The following VPS13B variants were observed in gnomAD, a reference collection of about 807,000 sequenced individuals.
VPS13B encodes intermembrane lipid transfer protein VPS13B.
Under a neutral mutation model 426.4 loss-of-function variants are expected in VPS13B, and 285 were observed. The observed-to-expected ratio is 0.67, with a 90% CI of 0.61 to 0.74. The LOEUF (loss-of-function observed/expected upper bound fraction) is 0.74. Ranked by LOEUF, VPS13B falls within the 30% of genes least tolerant of loss-of-function variation. The pLI is 0.00. For missense variants in VPS13B, 4,537 were observed against 4,782.6 expected (o/e 0.95, Z 1.51); for synonymous variants, 1,676 against 1,676.4 (o/e 1.00, Z 0.01).
chr8:99,636,482 A>G (rs1176197796), intron 33 of VPS13B, among the ~76,000 whole-genome samples: 1 of 151,984 alleles, frequency 6.6e-6, no homozygotes, highest in Non-Finnish European at 1.5e-5. Flanking sequence ...TTTTACCAAT[A>G]CAGTTCCATT....
At chr8:99,624,268 C>T (rs960364200) in intron 33 of VPS13B, among the ~76,000 whole-genome samples, 1 of 151,778 alleles carries the variant, frequency 6.6e-6, no homozygotes, top group South Asian at 2.1e-4. Flanking sequence ...ATAAAATAGT[C>T]CATTCCTTGG....
At chr8:99,064,464 C>T (rs1264260303) in intron 3 of VPS13B, among the ~76,000 whole-genome samples, 3 of 152,072 alleles carry the variant, frequency 2.0e-5, no homozygotes, top group Non-Finnish European at 4.4e-5. Flanking sequence ...GAAATATGCA[C>T]AAGCTTCAAT....
intron 16 of VPS13B, among the ~76,000 whole-genome samples, chr8:99,178,450 C>T (rs145925258): frequency 5.2e-4 from 79 of 152,116 alleles, no homozygotes; most frequent in African/African-American, 1.7e-3. Flanking sequence ...AACTAAGTTT[C>T]ACTGCATACA....
rs758694590 is a variant in VPS13B at position 99,766,953 on chromosome 8, T to A, written c.7230T>A (p.Asn2410Lys). The change falls in exon 40 of 62, where the codon AAT becomes AAA. Residue 2410 changes from asparagine (N) to lysine (K), a missense_variant. Around this residue, in one of 2 missense-constraint regions of VPS13B, gnomAD observed 4,311 missense variants for 4,474.3 expected, o/e 0.96. Coordinates refer to ENST00000357162, the MANE Select transcript of VPS13B (RefSeq NM_152564.5). The stretch of plus-strand genomic sequence containing the variant: ...GAATTGTCTTGAACAGCAGTCAAAA[T>A]GGAGCTGATGACCAAAGGTAATTCA... ...LWRIVLNSSQ[N>K]GADDQSSASE... The A allele has an allele frequency of 1.9e-6, 3 of 1,613,826 alleles. No homozygotes were observed. Among genetic ancestry groups the A allele is most frequent in the Non-Finnish European group, 1.7e-6 (2 of 1,179,940 alleles).
intron 17 of VPS13B, among the ~76,000 whole-genome samples, chr8:99,273,921 TG>T (rs1189490229): frequency 6.6e-6 from 1 of 152,234 alleles, no homozygotes; most frequent in Non-Finnish European, 1.5e-5. Flanking sequence ...AATTATTTCT[TG>T]TTTTTTTTAA....
intron 35 of VPS13B, among the ~76,000 whole-genome samples, chr8:99,698,828 A>T (rs1187007504): frequency 1.3e-5 from 2 of 152,214 alleles, no homozygotes; most frequent in African/African-American, 4.8e-5. Context: ...CAATACAGCT[A>T]GTTTTCATGT....
chr8:99,209,661 C>A, intron 17 of VPS13B: 2 of 798,572 alleles, frequency 2.5e-6, no homozygotes, highest in Non-Finnish European at 1.6e-6. Flanking sequence ...CCCACCTCAA[C>A]CTCCTGAAGT....
Position 99,487,260 on chromosome 8 carries a change from C to T in VPS13B, c.3870+5458C>T, listed in dbSNP as rs539043913. On this transcript the variant is annotated intron_variant, in intron 25 of 61. Coordinates refer to ENST00000357162, the MANE Select transcript of VPS13B (RefSeq NM_152564.5). ...ACTTTTCGGTATTAAATTCACCTGG[C>T]ATTTTATCCAGAATATCTGTGCTGT... is the stretch of plus-strand genomic sequence containing the variant. Among the ~76,000 whole-genome samples the T allele has an allele frequency of 2.6e-5, 4 of 152,216 alleles. No individual in the cohort carries two copies. In the South Asian group the frequency reaches 8.3e-4, roughly 32 times the overall value.
rs1563840443 is a variant in VPS13B at position 99,642,274 on chromosome 8, GTCT to G, written c.5687_5689del (p.Leu1896del). On this transcript the variant is annotated inframe_deletion, in exon 34 of 62. Transcript: ENST00000357162. ...AAAATAGGGGTCCTCTCTCTTGAAA[GTCT>G]TCATGCATCCACAAGGTCATCTGCT... The G allele has an allele frequency of 6.2e-7, 1 of 1,614,184 alleles. No individual in the cohort carries two copies. The highest frequency in any genetic ancestry group is 1.1e-5 in the South Asian group (1 of 91,092).
chr8:99,817,403 C>T lies in VPS13B; in HGVS notation c.8098-137C>T. The T allele has an allele frequency of 1.1e-5, 13 of 1,175,914 alleles. No individual in the cohort carries two copies. The Admixed American group carries it at 1.3e-4, about 12-fold the overall frequency. The allele number at this position is 1,175,914 out of a possible 1,614,324, so 72.8% of individuals were successfully genotyped here. A position where few individuals can be genotyped will look rare whatever the true frequency, so the allele number is the denominator to read the frequency against. ...TCTTCTTGACTTCAAGTCTTTTTTC[C>T]TTCTTGTACTGTTTAAGCTAATTAC... is the stretch of plus-strand genomic sequence containing the variant. On this transcript the variant is annotated intron_variant, in intron 44 of 61. Transcript: ENST00000357162.
intron 19 of VPS13B, among the ~76,000 whole-genome samples, chr8:99,317,864 T>C (rs977826249): frequency 2.0e-5 from 3 of 152,172 alleles, no homozygotes; most frequent in Non-Finnish European, 4.4e-5. Context: ...TTAAAAAGTT[T>C]TGTCATGAAT....
chr8:99,740,730 A>G (rs1045950917), intron 39 of VPS13B, among the ~76,000 whole-genome samples: 6 of 152,340 alleles, frequency 3.9e-5, no homozygotes, highest in Non-Finnish European at 8.8e-5. Context: ...ACTAAGCTTC[A>G]TAAGTGAAGG....
chr8:99,094,621 A>G (rs575538687), intron 3 of VPS13B, among the ~76,000 whole-genome samples: 2 of 152,244 alleles, frequency 1.3e-5, no homozygotes, highest in Admixed American at 6.5e-5. Context: ...ATCTGAAGCC[A>G]TGCTGTTTTG....
Position 99,832,123 on chromosome 8 carries a change from G to A in VPS13B, c.9331-246G>A, listed in dbSNP as rs956196768. ...CTAAAAATACAAAAATTAGCCGGGC[G>A]TGGTGGCATGTGCCTGTAGTCCCTG... On this transcript the variant is annotated intron_variant, in intron 51 of 61. Coordinates refer to ENST00000357162, the MANE Select transcript of VPS13B (RefSeq NM_152564.5). Among the ~76,000 whole-genome samples the A allele has an allele frequency of 3.3e-5, 5 of 151,868 alleles. No individual in the cohort carries two copies. The South Asian group carries it at 6.2e-4, about 19-fold the overall frequency.
chr8:99,704,453 T>A (rs1832415046), intron 36 of VPS13B, among the ~76,000 whole-genome samples: 1 of 152,132 alleles, frequency 6.6e-6, no homozygotes, highest in Non-Finnish European at 1.5e-5. Context: ...GAGATGCGAG[T>A]TAGCCTAAGG....
chr8:99,172,199 TTC>T (rs1812378879), intron 16 of VPS13B, among the ~76,000 whole-genome samples: 1 of 152,200 alleles, frequency 6.6e-6, no homozygotes, highest in African/African-American at 2.4e-5. Flanking sequence ...TAGTCTCAAA[TTC>T]ACTTTGTCCT....
At chr8:99,446,753 A>G (rs375082757) in intron 23 of VPS13B, among the ~76,000 whole-genome samples, 1 of 152,202 alleles carries the variant, frequency 6.6e-6, no homozygotes, top group East Asian at 1.9e-4. Context: ...TAAGTATACA[A>G]CTGGATACAT....
intron 31 of VPS13B, among the ~76,000 whole-genome samples, chr8:99,574,749 C>T (rs1825686032): frequency 6.6e-6 from 1 of 152,170 alleles, no homozygotes; most frequent in Non-Finnish European, 1.5e-5. Flanking sequence ...AACCTTTGTT[C>T]TCATTGTGTA....
intron 17 of VPS13B, among the ~76,000 whole-genome samples, chr8:99,241,692 C>T (rs1248915002): frequency 6.6e-6 from 1 of 152,068 alleles, no homozygotes; most frequent in Non-Finnish European, 1.5e-5. Context: ...TTCAAAAGAA[C>T]CTTTGAAAGA....
Sources: allele counts gnomAD v4.1 joint callset (sites outside exome capture counted in the v4.1 genomes callset), GRCh38; gene constraint gnomAD v4.1.1; regional missense constraint gnomAD v4.1.1; transcripts MANE v1.5; gene names NCBI Gene and HGNC (gene_info 2026-07-23, HGNC 2026-07-21).